The following KLHL3 variants were observed in gnomAD, a reference collection of about 807,000 sequenced individuals.
KLHL3 encodes the protein kelch-like protein 3.
In KLHL3, 19 loss-of-function variants were observed where a neutral mutation model predicts 70.5. The observed-to-expected ratio is 0.27, with a 90% confidence interval of 0.19 to 0.40. The LOEUF is 0.40. KLHL3 is among the 10% of genes least tolerant of loss of function. The pLI, the probability that KLHL3 is intolerant of heterozygous loss-of-function variation, is 1.00. For synonymous variants in KLHL3, 258 were observed against 290.3 expected, an observed-to-expected ratio of 0.89 and a Z score of 1.13; for missense variants, 512 against 771.1, an observed-to-expected ratio of 0.66 and a Z score of 3.98.
intron 8 of KLHL3, among the ~76,000 whole-genome samples, chr5:137,655,251 T>C (rs904106403): frequency 3.3e-5 from 5 of 152,174 alleles, no homozygotes; most frequent in Non-Finnish European, 5.9e-5. Context: ...ACATGCAGCT[T>C]GTGGAAATTT....
intron 2 of KLHL3, among the ~76,000 whole-genome samples, chr5:137,719,092 A>G (rs992231119): frequency 1.3e-5 from 2 of 152,214 alleles, no homozygotes; most frequent in African/African-American, 4.8e-5. Flanking sequence ...ATTCAGCTCA[A>G]GCATCAACCC....
At chr5:137,669,933 T>C (rs191915570) in intron 6 of KLHL3, among the ~76,000 whole-genome samples, 1 of 152,240 alleles carries the variant, frequency 6.6e-6, no homozygotes, top group East Asian at 1.9e-4. Flanking sequence ...TGAGGACTGG[T>C]GTCCCATTGG....
At chr5:137,628,041 T>G (rs925913430) in intron 13 of KLHL3, 4 of 490,886 alleles carry the variant, frequency 8.1e-6, no homozygotes, top group African/African-American at 7.8e-5. Context: ...CTCATCTGTG[T>G]GCGGTAAAAG....
rs144156328 is a variant in KLHL3, at chr5:137,684,448, C to A, written c.527-6794G>T. ...CCTTAATTACTTCATTCCATGATCT[C>A]AAATGACTCAATCAATCAAAAAAAG... On this transcript the variant is annotated intron_variant, in intron 5 of 14. Coordinates refer to ENST00000309755, the MANE Select transcript of KLHL3 (RefSeq NM_017415.3). Among the ~76,000 whole-genome samples, 583 of 152,204 alleles carry A rather than the reference C, an allele frequency of 3.8e-3. 5 individuals are homozygous for A. Among genetic ancestry groups the A allele is most frequent in the African/African-American group, 0.013 (557 of 41,496 alleles).
chr5:137,655,803 C>CA (rs1322177492), intron 8 of KLHL3, among the ~76,000 whole-genome samples: 1 of 151,396 alleles, frequency 6.6e-6, no homozygotes, highest in Non-Finnish European at 1.5e-5. Flanking sequence ...AGGCAATAGG[C>CA]AAAAACCTGT....
chr5:137,704,318 G>C (rs1317072375), intron 3 of KLHL3, among the ~76,000 whole-genome samples: 3 of 152,026 alleles, frequency 2.0e-5, no homozygotes, highest in African/African-American at 7.2e-5. Flanking sequence ...CCGGGAAGCG[G>C]AGCTTGCAGT....
At chr5:137,730,203 T>G (rs1753152237) in intron 1 of KLHL3, among the ~76,000 whole-genome samples, 1 of 152,212 alleles carries the variant, frequency 6.6e-6, no homozygotes, top group Non-Finnish European at 1.5e-5. Context: ...AACCCAGGTC[T>G]ATCTGACTCC....
chr5:137,652,553 A>C (rs1294857278), intron 8 of KLHL3, among the ~76,000 whole-genome samples: 1 of 152,252 alleles, frequency 6.6e-6, no homozygotes, highest in Non-Finnish European at 1.5e-5. Flanking sequence ...TAAGTGAAAT[A>C]AGCAGGGCAC....
intron 8 of KLHL3, among the ~76,000 whole-genome samples, chr5:137,649,624 C>T (rs151102178): frequency 2.0e-5 from 3 of 152,280 alleles, no homozygotes; most frequent in East Asian, 1.9e-4. Flanking sequence ...GTTAAGCCAT[C>T]GTAGGGTAAT....
chr5:137,657,008 A>G (rs1230011837), intron 8 of KLHL3, among the ~76,000 whole-genome samples: 1 of 152,234 alleles, frequency 6.6e-6, no homozygotes, highest in Non-Finnish European at 1.5e-5. Context: ...TCAGCACTCA[A>G]TAAAGGTTAG....
At chr5:137,653,651 T>C (rs1294741668) in intron 8 of KLHL3, among the ~76,000 whole-genome samples, 1 of 152,236 alleles carries the variant, frequency 6.6e-6, no homozygotes, top group Non-Finnish European at 1.5e-5. Flanking sequence ...ATATTGCTGG[T>C]GGAAATGCAT....
Position 137,638,946 on chromosome 5 carries a change from A to G in KLHL3, c.1219+7T>C, listed in dbSNP as rs1750838921. 1.2e-6 allele frequency: 2 copies of G among 1,613,622 alleles called. No homozygotes were observed. The highest frequency in any genetic ancestry group is 1.7e-6 in the Non-Finnish European group (2 of 1,179,672). ...TAGGAGGGGTTGGGAACACACCCTAAACCTACCAGTACTGCCATCAAAGCC... is the reference window on the plus strand; with the variant it reads ...TAGGAGGGGTTGGGAACACACCCTAGACCTACCAGTACTGCCATCAAAGCC... On this transcript the variant is annotated splice_region_variant and intron_variant, in intron 10 of 14. Coordinates refer to ENST00000309755, the MANE Select transcript of KLHL3 (RefSeq NM_017415.3).
At chr5:137,712,621 A>T (rs2149931017) in intron 2 of KLHL3, among the ~76,000 whole-genome samples, 1 of 152,314 alleles carries the variant, frequency 6.6e-6, no homozygotes, top group African/African-American at 2.4e-5. Context: ...TATTCAATTT[A>T]CCTGGGATCC....
At chr5:137,635,064 C>T (rs957669432) in intron 11 of KLHL3, among the ~76,000 whole-genome samples, 3 of 152,134 alleles carry the variant, frequency 2.0e-5, no homozygotes, top group Non-Finnish European at 4.4e-5. Flanking sequence ...GGATTACTTA[C>T]TCAGTAGATT....
intron 5 of KLHL3, among the ~76,000 whole-genome samples, chr5:137,685,426 C>T (rs1299755064): frequency 2.0e-5 from 3 of 152,152 alleles, no homozygotes; most frequent in South Asian, 2.1e-4. Context: ...AAAAGTACAA[C>T]GAGTACAGAG....
chr5:137,716,829 C>A (rs1321805167), intron 2 of KLHL3, among the ~76,000 whole-genome samples: 1 of 152,070 alleles, frequency 6.6e-6, no homozygotes, highest in Non-Finnish European at 1.5e-5. Context: ...GTGGTGGGGT[C>A]TTTTGAAAGG....
At chr5:137,698,003 G>A (rs929825946) in intron 4 of KLHL3, among the ~76,000 whole-genome samples, 10 of 152,182 alleles carry the variant, frequency 6.6e-5, no homozygotes, top group Non-Finnish European at 1.5e-4. Flanking sequence ...AGATTTTGAA[G>A]ACATGAGTTA....
Position 137,698,342 on chromosome 5 carries a change from T to C in KLHL3, c.308A>G (p.Lys103Arg). Residue 103 changes from lysine (K) to arginine (R), a missense_variant, in exon 4 of 15, where the codon AAG becomes AGG. Transcript: ENST00000309755. ...AGCAGTATAGATGTAGTCAATCAGC[T>C]TACTCAGCGTCTGCCCATCCACGTC... ...IKDVDGQTLS[K>R]LIDYIYTAEI... 1 of 1,614,240 alleles carries C rather than the reference T, an allele frequency of 6.2e-7. No homozygotes were observed.
At chr5:137,697,493 A>G (rs925000132) in intron 4 of KLHL3, among the ~76,000 whole-genome samples, 1 of 152,062 alleles carries the variant, frequency 6.6e-6, no homozygotes, top group Admixed American at 6.6e-5. Context: ...TTTTTCTCCA[A>G]CATCACCCTT....
Sources: allele counts gnomAD v4.1 joint callset (sites outside exome capture counted in the v4.1 genomes callset), GRCh38; gene constraint gnomAD v4.1.1; transcripts MANE v1.5; gene names NCBI Gene and HGNC (gene_info 2026-07-23, HGNC 2026-07-21).